Variants in ZBTB43 observed in about 807,000 individuals in gnomAD.
The protein encoded by ZBTB43 is zinc finger and BTB domain containing 43.
ZBTB43 carries 6 observed loss-of-function variants against 31.1 expected under a neutral mutation model. The ratio of observed to expected loss-of-function variants is 0.19; its 90% CI spans 0.11 to 0.38. The LOEUF is 0.38. ZBTB43 is among the 10% of genes least tolerant of loss of function. The probability of loss-of-function intolerance (pLI) is 1.00; values close to 1 mark genes in which losing one functional copy is unlikely to be tolerated. For missense variants in ZBTB43, 379 were observed against 602.1 expected (o/e 0.63, Z 3.88); for synonymous variants, 212 against 221.7 (o/e 0.96, Z 0.39).
intron 2 of ZBTB43, among the ~76,000 whole-genome samples, chr9:126,819,100 A>G (rs565931658): frequency 1.8e-3 from 271 of 152,148 alleles, no homozygotes; most frequent in Non-Finnish European, 2.8e-3. Context: ...TGATTGCTAC[A>G]TTCATTTCAT....
At position 126,807,159 on chromosome 9, in the gene ZBTB43, T is replaced by C. The variant is rs377031820; in HGVS notation, c.-146-1634T>C. On this transcript the variant is annotated intron_variant, in intron 1 of 2. Coordinates refer to ENST00000373464, the MANE Select transcript of ZBTB43 (RefSeq NM_014007.4). ...ACAACTGAATTACTACTTTATTTAA[T>C]TGAATCCTAGATGCTGTTATTTCAT... is the stretch of plus-strand genomic sequence containing the variant. Among the ~76,000 whole-genome samples, 12 of 152,322 alleles carry C rather than the reference T, an allele frequency of 7.9e-5. No individual in the cohort carries two copies. In the East Asian group the frequency reaches 1.2e-3, roughly 15 times the overall value.
Position 126,837,204 on chromosome 9 carries a change from A to G in ZBTB43, c.*3291A>G, listed in dbSNP as rs1437465086. ...AAGTGCATGTCACCGTTAACTAAGG[A>G]AGGACTGCGGTAACTTACCCTGCAG... On this transcript the variant is annotated 3_prime_UTR_variant, in exon 3 of 3. Transcript: ENST00000373464. 1.2e-5 allele frequency: 2 copies of G among 167,020 alleles called. No individual in the cohort carries two copies. The highest frequency in any genetic ancestry group is 1.9e-4 in the East Asian group (1 of 5,196). The allele number at this position is 167,020 out of a possible 1,614,324, so 10.3% of individuals were successfully genotyped here. A position where few individuals can be genotyped will look rare whatever the true frequency, so the allele number is the denominator to read the frequency against.
chr9:126,814,383 T>TCTGTAAAAATTTTACAGA (rs2032326801), intron 2 of ZBTB43, among the ~76,000 whole-genome samples: 2 of 147,404 alleles, frequency 1.4e-5, no homozygotes, highest in African/African-American at 2.5e-5. Flanking sequence ...TAAATTTACA[T>TCTGTAAAAATTTTACAGA]TGAAATTTAC....
intron 2 of ZBTB43, among the ~76,000 whole-genome samples, chr9:126,826,559 G>A (rs2032645088): frequency 1.4e-5 from 2 of 138,372 alleles, no homozygotes; most frequent in African/African-American, 2.6e-5. Flanking sequence ...CACCTCCCGG[G>A]TTCACGCCAT....
intron 2 of ZBTB43, among the ~76,000 whole-genome samples, chr9:126,813,736 A>T (rs753066414): frequency 6.6e-5 from 10 of 152,192 alleles, no homozygotes; most frequent in Non-Finnish European, 1.2e-4. Flanking sequence ...TTTCTATGTT[A>T]ATAAGTGAGA....
At chr9:126,818,083 T>A (rs2119132486) in intron 2 of ZBTB43, among the ~76,000 whole-genome samples, 1 of 151,686 alleles carries the variant, frequency 6.6e-6, no homozygotes, top group East Asian at 1.9e-4. Flanking sequence ...GTGCCTTTAA[T>A]TTATTTCAGC....
intron 2 of ZBTB43, among the ~76,000 whole-genome samples, chr9:126,810,712 C>T (rs1328705154): frequency 5.3e-5 from 8 of 150,086 alleles, no homozygotes; most frequent in Non-Finnish European, 8.9e-5. Context: ...ACCATGTTGG[C>T]CAGGATGGTC....
At position 126,836,648 on chromosome 9, in the gene ZBTB43, A is replaced by G. The variant is rs1343579399; in HGVS notation, c.*2735A>G. ...GCTTTAGAAAATCTTTATCCTTCCT[A>G]ATAAGTTTGGATGGTTGTGGGTAAC... On this transcript the variant is annotated 3_prime_UTR_variant, in exon 3 of 3. Transcript: ENST00000373464. 2 of 166,950 alleles carry G rather than the reference A, an allele frequency of 1.2e-5. No individual in the cohort carries two copies. The highest frequency in any genetic ancestry group is 2.4e-5 in the African/African-American group (1 of 41,374). 10.3% of individuals were successfully genotyped at this position (166,950 alleles called of 1,614,324 possible).
At position 126,835,496 on chromosome 9, in the gene ZBTB43, T is replaced by C. The variant is rs577544843; in HGVS notation, c.*1583T>C. On this transcript the variant is annotated 3_prime_UTR_variant, in exon 3 of 3. Coordinates refer to ENST00000373464, the MANE Select transcript of ZBTB43 (RefSeq NM_014007.4). ...GGGGTGAAATTTTATTTGAAAAGTT[T>C]GGCTTTGCTGTAATGTAATAGACAT... 1 of 167,054 alleles carries C rather than the reference T, an allele frequency of 6.0e-6. No individual in the cohort carries two copies. The highest frequency in any genetic ancestry group is 1.5e-5 in the Non-Finnish European group (1 of 68,118). 10.3% of individuals were successfully genotyped at this position (167,054 alleles called of 1,614,324 possible). A position where few individuals can be genotyped will look rare whatever the true frequency, so the allele number is the denominator to read the frequency against.
At chr9:126,811,384 A>G (rs1277448772) in intron 2 of ZBTB43, among the ~76,000 whole-genome samples, 2 of 152,146 alleles carry the variant, frequency 1.3e-5, no homozygotes, top group African/African-American at 4.8e-5. Flanking sequence ...ATTCTGTACA[A>G]TGGAAGTAAA....
chr9:126,834,556 T>C lies in ZBTB43; in HGVS notation c.*643T>C, dbSNP rs1365368629. ...GACATAGTGCCCTTGTCAGTTTCTG[T>C]AAGATGCCACTACTGTCACAAGGTG... is the stretch of plus-strand genomic sequence containing the variant. On this transcript the variant is annotated 3_prime_UTR_variant, in exon 3 of 3. Coordinates refer to ENST00000373464, the MANE Select transcript of ZBTB43 (RefSeq NM_014007.4). 1 of 167,074 alleles carries C rather than the reference T, an allele frequency of 6.0e-6. No individual in the cohort carries two copies. Among genetic ancestry groups the C allele is most frequent in the African/African-American group, 2.4e-5 (1 of 41,454 alleles). 10.3% of individuals were successfully genotyped at this position (167,074 alleles called of 1,614,324 possible).
intron 2 of ZBTB43, among the ~76,000 whole-genome samples, chr9:126,820,591 G>C (rs1357921266): frequency 6.6e-6 from 1 of 152,158 alleles, no homozygotes; most frequent in African/African-American, 2.4e-5. Flanking sequence ...CATTAGTATT[G>C]TTTTCATGCC....
intron 2 of ZBTB43, among the ~76,000 whole-genome samples, chr9:126,818,029 AT>A (rs1011171115): frequency 6.6e-6 from 1 of 151,482 alleles, no homozygotes; most frequent in African/African-American, 2.4e-5. Flanking sequence ...TCTTAACAAT[AT>A]TATGTCTTCC....
intron 1 of ZBTB43, 145 bp from the exon 2 acceptor site, chr9:126,808,648 G>A (rs746174334): frequency 2.6e-5 from 4 of 152,104 alleles, no homozygotes; most frequent in African/African-American, 9.7e-5. Flanking sequence ...GAGCTATGAA[G>A]TTGCAGAATG....
chr9:126,823,219 C>T (rs1437418662), intron 2 of ZBTB43, among the ~76,000 whole-genome samples: 1 of 152,090 alleles, frequency 6.6e-6, no homozygotes, highest in East Asian at 1.9e-4. Context: ...GAGTCTCCAC[C>T]TATTATTATA....
At chr9:126,815,032 T>C (rs1339453404) in intron 2 of ZBTB43, among the ~76,000 whole-genome samples, 1 of 151,818 alleles carries the variant, frequency 6.6e-6, no homozygotes, top group African/African-American at 2.4e-5. Context: ...GATTTGATTA[T>C]GATGTGCCTT....
rs2032090510 is a variant in ZBTB43 at position 126,805,049 on chromosome 9, G to C, written c.-230G>C. 1 of 152,432 alleles carries C rather than the reference G, an allele frequency of 6.6e-6. No individual in the cohort carries two copies. Among genetic ancestry groups the C allele is most frequent in the African/African-American group, 2.4e-5 (1 of 41,480 alleles). The allele number at this position is 152,432 out of a possible 1,614,324, so 9.4% of individuals were successfully genotyped here. A position where few individuals can be genotyped will look rare whatever the true frequency, so the allele number is the denominator to read the frequency against. On this transcript the variant is annotated 5_prime_UTR_variant, in exon 1 of 3. Coordinates refer to ENST00000373464, the MANE Select transcript of ZBTB43 (RefSeq NM_014007.4). ...GCTGAAGGCACAGGCTGAATCTGTT[G>C]CGGCAGCTGAGGCTACAACAGGCCT...
At chr9:126,810,594 G>A (rs1191286726) in intron 2 of ZBTB43, among the ~76,000 whole-genome samples, 13 of 137,974 alleles carry the variant, frequency 9.4e-5, no homozygotes, top group African/African-American at 3.4e-4. Flanking sequence ...TCTGCCTCCC[G>A]GGTTCAAGTG....
At chr9:126,817,246 G>A (rs1160459641) in intron 2 of ZBTB43, among the ~76,000 whole-genome samples, 2 of 150,888 alleles carry the variant, frequency 1.3e-5, no homozygotes, top group Non-Finnish European at 3.0e-5. Context: ...TGAGTAGCTA[G>A]GATGTCAGGT....
Sources: gnomAD v4.1 joint callset for allele counts (sites outside exome capture counted in the v4.1 genomes callset) on GRCh38, gnomAD v4.1.1 for gene constraint, MANE v1.5 for transcripts, NCBI Gene and HGNC (gene_info 2026-07-23, HGNC 2026-07-21) for gene names.